MEP1A: variants seen among roughly 807,000 people sequenced by gnomAD.
The protein encoded by MEP1A is N-benzoyl-L-tyrosyl-P-amino-benzoic acid hydrolase subunit alpha.
A neutral mutation model predicts 84.5 loss-of-function variants in MEP1A; 68 were observed. That is an observed-to-expected ratio of 0.80 (90% confidence interval 0.66 to 0.98). MEP1A has a LOEUF of 0.98. Ranked by LOEUF, MEP1A falls within the 50% of genes least tolerant of loss-of-function variation. The pLI, the probability that MEP1A is intolerant of heterozygous loss-of-function variation, is 0.00. For missense variants in MEP1A, 887 were observed against 919.9 expected (o/e 0.96, Z 0.46); for synonymous variants, 337 against 336.8 (o/e 1.00, Z -0.01).
intron 12 of MEP1A, 103 bp downstream of exon 12, chr6:46,834,854 AAAC>A (rs766739531): frequency 1.4e-4 from 115 of 836,274 alleles, no homozygotes; most frequent in Admixed American, 4.6e-4. Context: ...GATGAGGTTA[AAAC>A]AATGTGTTGT....
chr6:46,845,359 A>C, the MEP1A span, among the ~76,000 whole-genome samples: 1 of 152,352 alleles, frequency 6.6e-6, no homozygotes, highest in Non-Finnish European at 1.5e-5. Flanking sequence ...GCCTTGGGAA[A>C]AGCAGGTTAA....
At position 46,798,314 on chromosome 6, in the gene MEP1A, C is replaced by T. The variant is rs1053968335; in HGVS notation, c.146-292C>T. 6.6e-5 allele frequency among the ~76,000 whole-genome samples: 10 copies of T among 152,230 alleles called. No individual in the cohort carries two copies. In the South Asian group the frequency reaches 2.1e-3, roughly 32 times the overall value. On this transcript the variant is annotated intron_variant, in intron 3 of 13. Transcript: ENST00000230588. ...CTCCTTATCAGTGCTGCATCGAATCCCTTTTTTATAATCAGTGATCAGTAA... is the reference window on the plus strand; with the variant it reads ...CTCCTTATCAGTGCTGCATCGAATCTCTTTTTTATAATCAGTGATCAGTAA...
intron 13 of MEP1A, among the ~76,000 whole-genome samples, chr6:46,836,390 A>G (rs1768218427): frequency 6.6e-6 from 1 of 152,108 alleles, no homozygotes; most frequent in Non-Finnish European, 1.5e-5. Context: ...AAAAATTTAC[A>G]TTTCTTCTGA....
At chr6:46,796,044 G>C (rs1052414447) in intron 3 of MEP1A, among the ~76,000 whole-genome samples, 1 of 152,052 alleles carries the variant, frequency 6.6e-6, no homozygotes, top group Admixed American at 6.5e-5. Context: ...CTTCCTACTT[G>C]AGCTTTCCAG....
In MEP1A at chr6:46,797,690, T is replaced by C. The variant is rs189557993; in HGVS notation, c.146-916T>C. Reference sequence around the variant, plus strand: ...AAAGGCAGGAGTTTTGATGCTCACTTGGCCACTTGATTACATAGTACATCA... The same window carrying C: ...AAAGGCAGGAGTTTTGATGCTCACTCGGCCACTTGATTACATAGTACATCA... On this transcript the variant is annotated intron_variant, in intron 3 of 13. Coordinates refer to ENST00000230588, the MANE Select transcript of MEP1A (RefSeq NM_005588.3). 3.9e-5 allele frequency among the ~76,000 whole-genome samples: 6 copies of C among 152,290 alleles called. No homozygotes were observed. The East Asian group carries it at 1.2e-3, about 30-fold the overall frequency.
chr6:46,819,899 G>A (rs1767728429), intron 7 of MEP1A, among the ~76,000 whole-genome samples, 195 bp downstream of exon 7: 1 of 152,180 alleles, frequency 6.6e-6, no homozygotes, highest in Non-Finnish European at 1.5e-5. Context: ...AGGGCCTCAA[G>A]GAATGGTGTT....
chr6:46,836,231 G>A (rs1181828103), intron 13 of MEP1A, among the ~76,000 whole-genome samples: 1 of 152,166 alleles, frequency 6.6e-6, no homozygotes, highest in African/African-American at 2.4e-5. Context: ...GGTCTGTCTG[G>A]CAGCACAGTT....
intron 6 of MEP1A, among the ~76,000 whole-genome samples, chr6:46,810,816 A>T (rs1767479566): frequency 6.6e-6 from 1 of 152,034 alleles, no homozygotes; most frequent in African/African-American, 2.4e-5. Context: ...ATTCTGTTCC[A>T]TTGGTCTATG....
chr6:46,829,914 T>C (rs1057039398), intron 10 of MEP1A, among the ~76,000 whole-genome samples: 1 of 151,866 alleles, frequency 6.6e-6, no homozygotes, highest in Non-Finnish European at 1.5e-5. Flanking sequence ...GGAGTGGAGA[T>C]AAGAAGGTAA....
chr6:46,834,748 G>A lies in MEP1A; in HGVS notation c.1780G>A (p.Glu594Lys), dbSNP rs764432342. ...TGACCTCATCATATTTGTGGACTTT[G>A]AAGGTACTTTTGTTGGTCTTCCTGA... Reference protein sequence around the residue: ...NDDLIIFVDFEDITHLSQTEV... With the variant: ...NDDLIIFVDFKDITHLSQTEV... The change falls in exon 12 of 14, where the codon GAA becomes AAA. Residue 594 changes from glutamate (E) to lysine (K), a missense_variant. By Grantham distance (56) the Glu-to-Lys change is moderately conservative (BLOSUM62 1). Coordinates refer to ENST00000230588, the MANE Select transcript of MEP1A (RefSeq NM_005588.3). 8 of 1,608,734 alleles carry A rather than the reference G, an allele frequency of 5.0e-6. No individual in the cohort carries two copies. The highest frequency in any genetic ancestry group is 1.7e-5 in the Admixed American group (1 of 59,898).
At chr6:46,836,656 T>C (rs1040910653) in intron 13 of MEP1A, among the ~76,000 whole-genome samples, 3 of 152,242 alleles carry the variant, frequency 2.0e-5, no homozygotes, top group Non-Finnish European at 4.4e-5. Flanking sequence ...TTTTTCTATT[T>C]CAGGATCCAA....
At chr6:46,796,096 C>T (rs929623340) in intron 3 of MEP1A, among the ~76,000 whole-genome samples, 1 of 152,138 alleles carries the variant, frequency 6.6e-6, no homozygotes, top group African/African-American at 2.4e-5. Flanking sequence ...AAGTGATTTT[C>T]GATGTGTTGT....
intron 9 of MEP1A, among the ~76,000 whole-genome samples, chr6:46,826,745 C>A (rs1767957268): frequency 1.3e-5 from 2 of 152,100 alleles, no homozygotes; most frequent in Non-Finnish European, 2.9e-5. Flanking sequence ...TAAGATAAAA[C>A]CTCATAAATA....
At chr6:46,796,819 A>G (rs975223616) in intron 3 of MEP1A, among the ~76,000 whole-genome samples, 1 of 152,214 alleles carries the variant, frequency 6.6e-6, no homozygotes, top group Non-Finnish European at 1.5e-5. Flanking sequence ...CAATCCCATT[A>G]TAATCCAGGC....
chr6:46,829,851 T>G (rs1333642329), intron 10 of MEP1A, among the ~76,000 whole-genome samples: 3 of 152,094 alleles, frequency 2.0e-5, no homozygotes, highest in Non-Finnish European at 4.4e-5. Flanking sequence ...AATCCAGTTT[T>G]CACTGGAAAT....
chr6:46,809,916 T>G (rs1353107474), intron 6 of MEP1A, among the ~76,000 whole-genome samples: 1 of 151,888 alleles, frequency 6.6e-6, no homozygotes. Context: ...ATTGTGCTGC[T>G]ATAAACATCC....
Position 46,839,282 on chromosome 6 carries a change from A to C in MEP1A, c.*146A>C. On this transcript the variant is annotated 3_prime_UTR_variant, in exon 14 of 14. Transcript: ENST00000230588. Reference sequence around the variant, plus strand: ...TCCAGCCCCATGTGTGACCCTTGTCATCTCTCTGCCCCACATAATTCTGTT... The same window carrying C: ...TCCAGCCCCATGTGTGACCCTTGTCCTCTCTCTGCCCCACATAATTCTGTT... 5 of 601,304 alleles carry C rather than the reference A, an allele frequency of 8.3e-6. No homozygotes were observed. The highest frequency in any genetic ancestry group is 1.4e-5 in the Non-Finnish European group (5 of 352,986). The allele number at this position is 601,304 out of a possible 1,614,324, so 37.2% of individuals were successfully genotyped here. A position where few individuals can be genotyped will look rare whatever the true frequency, so the allele number is the denominator to read the frequency against.
At chr6:46,840,673 G>A (rs9381486), downstream of MEP1A, among the ~76,000 whole-genome samples, 1 of 152,212 alleles carries the variant, frequency 6.6e-6, no homozygotes, top group African/African-American at 2.4e-5. Flanking sequence ...GGAAATAATA[G>A]CTGACTATCT....
intron 12 of MEP1A, among the ~76,000 whole-genome samples, 169 bp downstream of exon 12, chr6:46,834,920 T>C (rs1768177311): frequency 6.6e-6 from 1 of 152,210 alleles, no homozygotes; most frequent in African/African-American, 2.4e-5. Context: ...TTATTTTAAT[T>C]GTCCTTGAAA....
Sources: gnomAD v4.1 joint callset for allele counts (sites outside exome capture counted in the v4.1 genomes callset) on GRCh38, gnomAD v4.1.1 for gene constraint, MANE v1.5 for transcripts, NCBI Gene and HGNC (gene_info 2026-07-23, HGNC 2026-07-21) for gene names.